Variants in ARMC9 observed in about 807,000 individuals in gnomAD.
The protein encoded by ARMC9 is armadillo repeat containing 9.
In ARMC9, 94 loss-of-function variants were observed where a neutral mutation model predicts 107.0. The observed-to-expected ratio is 0.88, with a 90% CI of 0.74 to 1.04. ARMC9 has a LOEUF of 1.04. Among genes scored for constraint, ARMC9 ranks in the 50% least tolerant of loss-of-function variants. The probability of loss-of-function intolerance (pLI) is 0.00; values close to 1 mark genes in which losing one functional copy is unlikely to be tolerated. For missense variants in ARMC9, 942 were observed against 1,030.1 expected, an observed-to-expected ratio of 0.91 and a Z score of 1.17; for synonymous variants, 380 against 396.9, an observed-to-expected ratio of 0.96 and a Z score of 0.51.
intron 2 of ARMC9, among the ~76,000 whole-genome samples, chr2:231,207,880 A>C (rs2032258599): frequency 6.6e-6 from 1 of 152,056 alleles, no homozygotes; most frequent in South Asian, 2.1e-4. Context: ...TTTTCTCCAC[A>C]TCCTTGCCAA....
chr2:231,336,686 A>G (rs1236465264), intron 20 of ARMC9, among the ~76,000 whole-genome samples: 6 of 152,234 alleles, frequency 3.9e-5, no homozygotes, highest in Non-Finnish European at 8.8e-5. Flanking sequence ...TAGTTTTCCT[A>G]AGAATCCCCG....
intron 16 of ARMC9, among the ~76,000 whole-genome samples, chr2:231,281,110 C>T (rs958122859): frequency 6.6e-6 from 1 of 151,948 alleles, no homozygotes; most frequent in African/African-American, 2.4e-5. Context: ...AAACATGGGT[C>T]CTGTCTTCAA....
chr2:231,334,924 G>A (rs919337533), intron 20 of ARMC9, among the ~76,000 whole-genome samples: 1 of 152,134 alleles, frequency 6.6e-6, no homozygotes, highest in African/African-American at 2.4e-5. Flanking sequence ...GATAGAAGAC[G>A]TTTCACTGGG....
intron 23 of ARMC9, among the ~76,000 whole-genome samples, chr2:231,368,990 A>C (rs12468313): frequency 6.6e-6 from 1 of 152,166 alleles, no homozygotes; most frequent in South Asian, 2.1e-4. Flanking sequence ...AAATCAAACC[A>C]AAAGAATCCC....
At position 231,264,969 on chromosome 2, in the gene ARMC9, G is replaced by A. The variant is rs573263953; in HGVS notation, c.1119+2571G>A. Among the ~76,000 whole-genome samples the A allele has an allele frequency of 1.5e-3, 233 of 152,184 alleles. 4 individuals are homozygous for A. In the South Asian group the frequency reaches 0.043, roughly 28 times the overall value. ...AAAAATTAGCCAGACGTGGTGGCACGCACCTGTAATCCCAGCTACCCAGGA... is the reference window on the plus strand; with the variant it reads ...AAAAATTAGCCAGACGTGGTGGCACACACCTGTAATCCCAGCTACCCAGGA... On this transcript the variant is annotated intron_variant, in intron 12 of 24. Transcript: ENST00000611582.
chr2:231,286,872 A>G (rs942011523), intron 17 of ARMC9, among the ~76,000 whole-genome samples: 1 of 152,204 alleles, frequency 6.6e-6, no homozygotes, highest in Non-Finnish European at 1.5e-5. Context: ...GAACAAAATA[A>G]ATGAATCCCC....
chr2:231,301,676 T>A (rs930862811), intron 19 of ARMC9, among the ~76,000 whole-genome samples: 5 of 152,128 alleles, frequency 3.3e-5, no homozygotes, highest in Non-Finnish European at 5.9e-5. Context: ...TTTTTTAAAA[T>A]TTTTTTTAAG....
chr2:231,202,591 A>G (rs975418667), intron 1 of ARMC9, among the ~76,000 whole-genome samples: 4 of 152,146 alleles, frequency 2.6e-5, no homozygotes, highest in African/African-American at 9.7e-5. Flanking sequence ...CAAAGTGCCA[A>G]GATTACAGGT....
At chr2:231,237,175 C>CGTGTGT (rs58607252) in intron 8 of ARMC9, among the ~76,000 whole-genome samples, 3,021 of 148,744 alleles carry the variant, frequency 0.02, 34 homozygotes, top group Admixed American at 0.042. Flanking sequence ...TCTGCGTATG[C>CGTGTGT]GTGTGTGTGT....
rs187227205 is a variant in ARMC9, at chr2:231,369,985, G to C, written c.2294G>C (p.Arg765Pro). 2.0e-5 allele frequency: 31 copies of C among 1,529,384 alleles called. No individual in the cohort carries two copies. Among genetic ancestry groups the C allele is most frequent in the Non-Finnish European group, 2.7e-5 (31 of 1,142,612 alleles). The allele number at this position is 1,529,384 out of a possible 1,614,324, so 94.7% of individuals were successfully genotyped here. Reference sequence around the variant, plus strand: ...GCATCAGCCTTCACCTGCAAGCCCCGGGCCCCCTGCACTCCAGAGATGCTG... The same window carrying C: ...GCATCAGCCTTCACCTGCAAGCCCCCGGCCCCCTGCACTCCAGAGATGCTG... ...ECASAFTCKP[R>P]APCTPEMLDW... Residue 765 changes from arginine (R) to proline (P), a missense_variant, in exon 24 of 25, where the codon CGG becomes CCG. Coordinates refer to ENST00000611582, the MANE Select transcript of ARMC9 (RefSeq NM_001352754.2).
At chr2:231,350,046 A>G (rs1575160709) in intron 21 of ARMC9, among the ~76,000 whole-genome samples, 3 of 150,270 alleles carry the variant, frequency 2.0e-5, no homozygotes, top group Admixed American at 2.0e-4. Flanking sequence ...AAAAAAATTG[A>G]GGGGAAGTCT....
rs531721146 is a variant in ARMC9 at position 231,206,137 on chromosome 2, C to A, written c.-41-61C>A. ...CCATTATTCTGCTCACCACAACCAC[C>A]TTTTTGTAGTTTCATAGGTGGTTGA... On this transcript the variant is annotated intron_variant, in intron 1 of 24. Coordinates refer to ENST00000611582, the MANE Select transcript of ARMC9 (RefSeq NM_001352754.2). The A allele has an allele frequency of 2.9e-6, 3 of 1,051,676 alleles. No individual in the cohort carries two copies. In the African/African-American group the frequency reaches 4.8e-5, roughly 17 times the overall value. 65.1% of individuals were successfully genotyped at this position (1,051,676 alleles called of 1,614,324 possible). A position where few individuals can be genotyped will look rare whatever the true frequency, so the allele number is the denominator to read the frequency against.
At chr2:231,248,048 T>C (rs564690589) in intron 9 of ARMC9, among the ~76,000 whole-genome samples, 25 of 152,372 alleles carry the variant, frequency 1.6e-4, no homozygotes, top group African/African-American at 6.0e-4. Flanking sequence ...CATGAATGCC[T>C]GACAGCTTCA....
intron 19 of ARMC9, among the ~76,000 whole-genome samples, chr2:231,316,878 T>C (rs1427931649): frequency 1.3e-5 from 2 of 152,142 alleles, no homozygotes; most frequent in Non-Finnish European, 2.9e-5. Flanking sequence ...TTCTCATGCC[T>C]CAGCCTCCTG....
At chr2:231,285,238 A>G (rs1461348221) in intron 17 of ARMC9, among the ~76,000 whole-genome samples, 1 of 152,152 alleles carries the variant, frequency 6.6e-6, no homozygotes, top group Non-Finnish European at 1.5e-5. Flanking sequence ...GTCAAACATC[A>G]GCTTTAATGA....
intron 23 of ARMC9, among the ~76,000 whole-genome samples, chr2:231,367,304 C>T (rs185486751): frequency 2.6e-5 from 4 of 152,318 alleles, no homozygotes; most frequent in Admixed American, 2.6e-4. Flanking sequence ...CAGGCTTTCT[C>T]TCCTTGGGCT....
intron 8 of ARMC9, among the ~76,000 whole-genome samples, chr2:231,237,301 G>C (rs1363587567): frequency 6.6e-6 from 1 of 151,974 alleles, no homozygotes; most frequent in African/African-American, 2.4e-5. Flanking sequence ...ATATCTTGGA[G>C]ATCTTTCCAT....
At chr2:231,342,500 G>A (rs539793294) in intron 20 of ARMC9, among the ~76,000 whole-genome samples, 6 of 152,172 alleles carry the variant, frequency 3.9e-5, no homozygotes, top group Non-Finnish European at 7.4e-5. Context: ...GAGAAAACCC[G>A]CATGTTGACT....
rs1043548228 is a variant in ARMC9 at position 231,255,399 on chromosome 2, G to GA, written c.880-1180dup. ...TACTTGAAGAGAAAATCTTAATAAA[G>GA]AAAAAAACCAGAATAATATAATGAT... On this transcript the variant is annotated intron_variant, in intron 9 of 24. Transcript: ENST00000611582. The surrounding 1 kb of genome is among the most constrained non-coding windows in gnomAD (Gnocchi z 4.7). 6.6e-6 allele frequency among the ~76,000 whole-genome samples: 1 copy of GA among 152,026 alleles called. No individual in the cohort carries two copies. Among genetic ancestry groups the GA allele is most frequent in the Non-Finnish European group, 1.5e-5 (1 of 67,956 alleles).
Sources: gnomAD v4.1 joint callset for allele counts (sites outside exome capture counted in the v4.1 genomes callset) on GRCh38, gnomAD v4.1.1 for gene constraint, Gnocchi (gnomAD v3.1) non-coding constraint, MANE v1.5 for transcripts, NCBI Gene and HGNC (gene_info 2026-07-23, HGNC 2026-07-21) for gene names.